Variants in GDAP1 observed in about 807,000 individuals in gnomAD.
The protein encoded by GDAP1 is ganglioside-induced differentiation-associated protein 1.
A neutral mutation model predicts 40.1 loss-of-function variants in GDAP1; 34 were observed. That is an observed-to-expected ratio of 0.85 (90% CI 0.64 to 1.13). The LOEUF is 1.13. GDAP1 is among the 50% of genes most tolerant of loss of function. The pLI is 0.00. For synonymous variants in GDAP1, 170 were observed against 157.4 expected, an observed-to-expected ratio of 1.08 and a Z score of -0.60; for missense variants, 374 against 433.7, an observed-to-expected ratio of 0.86 and a Z score of 1.22.
chr8:74,371,476 C>T (rs1254985057), downstream of GDAP1, among the ~76,000 whole-genome samples: 8 of 151,870 alleles, frequency 5.3e-5, no homozygotes, highest in East Asian at 1.9e-4. Flanking sequence ...CTGGCTAACA[C>T]GGTGAAACCC....
intron 2 of GDAP1, among the ~76,000 whole-genome samples, chr8:74,372,450 T>C (rs1809770844): frequency 6.6e-6 from 1 of 152,202 alleles, no homozygotes; most frequent in Non-Finnish European, 1.5e-5. Flanking sequence ...GACTTTTTAA[T>C]GATCGCCATT....
intron 2 of GDAP1, among the ~76,000 whole-genome samples, chr8:74,384,069 C>A (rs1470873884): frequency 6.6e-6 from 1 of 152,146 alleles, no homozygotes; most frequent in East Asian, 1.9e-4. Context: ...ATTTGGAATA[C>A]AATCAGCTGA....
rs7816889 is a variant in GDAP1, at chr8:74,448,827, G to A, written c.166-39851G>A. Among the ~76,000 whole-genome samples the A allele has an allele frequency of 6.4e-4, 98 of 152,146 alleles. No individual in the cohort carries two copies. The South Asian group carries it at 0.017, about 26-fold the overall frequency. On this transcript the variant is annotated intron_variant, in intron 2 of 2. Transcript: ENST00000523640. ...TTTTGGTCAGATATATGCATTACAA[G>A]TATTTTCTCTCAATGTGTGGGGCTT... is the stretch of plus-strand genomic sequence containing the variant.
chr8:74,439,036 A>G lies in GDAP1; in HGVS notation c.166-49642A>G, dbSNP rs201858641. On this transcript the variant is annotated intron_variant, in intron 2 of 2. Coordinates refer to the GDAP1 transcript ENST00000523640. Reference sequence around the variant, plus strand: ...TGTGTGTATGTGTATGTGTATATATATGTGTGTGTGTGTGTGTGTGTATAT... The same window carrying G: ...TGTGTGTATGTGTATGTGTATATATGTGTGTGTGTGTGTGTGTGTGTATAT... Among the ~76,000 whole-genome samples, 277 of 150,162 alleles carry G rather than the reference A, an allele frequency of 1.8e-3. 3 individuals carry two copies. Among genetic ancestry groups the G allele is most frequent in the African/African-American group, 6.5e-3 (265 of 40,854 alleles).
chr8:74,472,390 A>G (rs369050971), intron 2 of GDAP1, among the ~76,000 whole-genome samples: 6 of 152,206 alleles, frequency 3.9e-5, no homozygotes, highest in African/African-American at 7.2e-5. Context: ...TAGTGCTGCA[A>G]TGAACATAGG....
At chr8:74,384,045 C>T (rs1809991600) in intron 2 of GDAP1, among the ~76,000 whole-genome samples, 1 of 152,144 alleles carries the variant, frequency 6.6e-6, no homozygotes, top group African/African-American at 2.4e-5. Context: ...TTATTTACTT[C>T]ACAGGAACTT....
downstream of GDAP1, among the ~76,000 whole-genome samples, chr8:74,367,352 GC>G (rs1809677310): frequency 6.6e-6 from 1 of 152,214 alleles, no homozygotes. Context: ...AGTAAGCTTA[GC>G]CATTCTAATC....
intron 2 of GDAP1, among the ~76,000 whole-genome samples, chr8:74,402,899 G>T (rs1586823623): frequency 6.7e-6 from 1 of 148,352 alleles, no homozygotes; most frequent in Admixed American, 6.6e-5. Context: ...TTATTCTTTT[G>T]TTGTTGTTGT....
chr8:74,403,778 A>G (rs1218944950), intron 2 of GDAP1, among the ~76,000 whole-genome samples: 2 of 150,208 alleles, frequency 1.3e-5, no homozygotes, highest in Admixed American at 6.6e-5. Flanking sequence ...CTGTCTACCT[A>G]TGTTTAAATG....
At chr8:74,419,459 A>G (rs1341797065) in intron 2 of GDAP1, among the ~76,000 whole-genome samples, 1 of 152,182 alleles carries the variant, frequency 6.6e-6, no homozygotes, top group African/African-American at 2.4e-5. Flanking sequence ...TTGGAAAGAA[A>G]AAACTGTAGC....
At chr8:74,435,089 A>G (rs1239545996) in intron 2 of GDAP1, among the ~76,000 whole-genome samples, 4 of 152,228 alleles carry the variant, frequency 2.6e-5, no homozygotes, top group Non-Finnish European at 5.9e-5. Context: ...AGTAATTTGA[A>G]TAGATATTAC....
At chr8:74,361,392 G>GT (rs933281891) in intron 3 of GDAP1, among the ~76,000 whole-genome samples, 3 of 151,270 alleles carry the variant, frequency 2.0e-5, no homozygotes, top group Admixed American at 6.6e-5. Flanking sequence ...GATATTCTTT[G>GT]TTTTTTTCTT....
intron 2 of GDAP1, among the ~76,000 whole-genome samples, chr8:74,468,400 C>G (rs1455629465): frequency 6.6e-6 from 1 of 151,728 alleles, no homozygotes; most frequent in East Asian, 1.9e-4. Flanking sequence ...ATCTGTGCCC[C>G]TTAAAGGTGC....
At chr8:74,352,370 T>A (rs1268193211) in intron 2 of GDAP1, among the ~76,000 whole-genome samples, 1 of 152,166 alleles carries the variant, frequency 6.6e-6, no homozygotes. Flanking sequence ...AAAGGCTGTA[T>A]GAGATTGTTA....
intron 2 of GDAP1, among the ~76,000 whole-genome samples, chr8:74,416,931 T>TG (rs1349519473): frequency 4.0e-4 from 57 of 141,428 alleles, no homozygotes; most frequent in Admixed American, 2.5e-3. Context: ...TGTTTTTTGT[T>TG]TTTTTTTTTT....
intron 2 of GDAP1, among the ~76,000 whole-genome samples, chr8:74,463,200 C>T (rs1191230083): frequency 2.1e-5 from 3 of 142,318 alleles, no homozygotes; most frequent in East Asian, 4.0e-4. Flanking sequence ...GCCTATAATC[C>T]CAGCACTTTG....
intron 5 of GDAP1, 56 bp from the exon 6 acceptor site, chr8:74,363,929 G>A: frequency 6.8e-7 from 1 of 1,478,804 alleles, no homozygotes; most frequent in African/African-American, 1.4e-5. Context: ...GATACCAGCT[G>A]GAGTCTGTCT....
In GDAP1 at chr8:74,352,944, C is replaced by G. The variant is rs1374175269; in HGVS notation, c.310+1478C>G. On this transcript the variant is annotated intron_variant, in intron 2 of 5. Transcript: ENST00000220822. ...CATTTAAGTTTTTTGGTAGCATTGC[C>G]TGAACTGCTTCTACTATCATCATTC... is the stretch of plus-strand genomic sequence containing the variant. Among the ~76,000 whole-genome samples, 8 of 152,258 alleles carry G rather than the reference C, an allele frequency of 5.3e-5. No individual in the cohort carries two copies. The East Asian group carries it at 9.6e-4, about 18-fold the overall frequency.
At chr8:74,399,615 T>C (rs1224527818) in intron 2 of GDAP1, among the ~76,000 whole-genome samples, 3 of 138,038 alleles carry the variant, frequency 2.2e-5, no homozygotes, top group Non-Finnish European at 4.5e-5. Flanking sequence ...TTGCTCTTGC[T>C]TTTCTAGTTC....
Sources: allele counts gnomAD v4.1 joint callset (sites outside exome capture counted in the v4.1 genomes callset), GRCh38; gene constraint gnomAD v4.1.1; transcripts MANE v1.5; gene names NCBI Gene and HGNC (gene_info 2026-07-23, HGNC 2026-07-21).